Variants in KDM2B observed in about 807,000 individuals in gnomAD.
KDM2B encodes the protein lysine demethylase 2B, also known as lysine-specific demethylase 2B.
In KDM2B, 26 loss-of-function variants were observed where a neutral mutation model predicts 150.0. The ratio of observed to expected loss-of-function variants is 0.17; its 90% CI spans 0.13 to 0.24. The LOEUF is 0.24. KDM2B is among the 10% of genes least tolerant of loss of function. KDM2B has a pLI of 1.00. For missense variants in KDM2B, 1,265 were observed against 1,816.9 expected (o/e 0.70, Z 5.52); for synonymous variants, 734 against 729.5 (o/e 1.01, Z -0.10).
Position 121,533,615 on chromosome 12 carries a change from A to G in KDM2B, c.778-656T>C, listed in dbSNP as rs1156602636. Reference sequence around the variant, plus strand: ...TGCTGGCAACTAGACTTTAAAGTAAAAAGGTCCCAGGGCAGGAGCTGAGAT... The same window carrying G: ...TGCTGGCAACTAGACTTTAAAGTAAGAAGGTCCCAGGGCAGGAGCTGAGAT... On this transcript the variant is annotated intron_variant, in intron 7 of 22. Coordinates refer to ENST00000377071, the MANE Select transcript of KDM2B (RefSeq NM_032590.5). This position sits in a 1 kb window ranked among gnomAD's most constrained non-coding sequence, Gnocchi z 4.1. Among the ~76,000 whole-genome samples, 2 of 152,202 alleles carry G rather than the reference A, an allele frequency of 1.3e-5. No individual in the cohort carries two copies. The highest frequency in any genetic ancestry group is 4.8e-5 in the African/African-American group (2 of 41,454).
chr12:121,444,874 A>C (rs1423658706), intron 14 of KDM2B: 5 of 448,154 alleles, frequency 1.1e-5, no homozygotes, highest in Non-Finnish European at 2.1e-5. Flanking sequence ...AGCGCCTGGC[A>C]TGCAGAAAGG....
At chr12:121,445,978 T>C (rs1555290184) in intron 13 of KDM2B, among the ~76,000 whole-genome samples, 2 of 152,212 alleles carry the variant, frequency 1.3e-5, no homozygotes, top group Admixed American at 1.3e-4. Flanking sequence ...ACAGACGTTA[T>C]TTGCCTTTTG....
chr12:121,463,315 CA>C (rs201614427), intron 12 of KDM2B, among the ~76,000 whole-genome samples: 3,089 of 125,078 alleles, frequency 0.025, 85 homozygotes, highest in African/African-American at 0.074. Context: ...GACTCCGTCT[CA>C]AAAAAAAAAA....
In KDM2B at chr12:121,513,845, A is replaced by G. The variant is rs1327529915; in HGVS notation, c.1048-443T>C. Among the ~76,000 whole-genome samples, 1 of 152,106 alleles carries G rather than the reference A, an allele frequency of 6.6e-6. No homozygotes were observed. Among genetic ancestry groups the G allele is most frequent in the African/African-American group, 2.4e-5 (1 of 41,422 alleles). On this transcript the variant is annotated intron_variant, in intron 9 of 22. Transcript: ENST00000377071. This position sits in a 1 kb window ranked among gnomAD's most constrained non-coding sequence, Gnocchi z 5.0. Reference sequence around the variant, plus strand: ...TTCCTCCCTCCTGCTTGAAAACCAGAAATCAACTTCCAAGCCTTATCTATT... The same window carrying G: ...TTCCTCCCTCCTGCTTGAAAACCAGGAATCAACTTCCAAGCCTTATCTATT...
intron 12 of KDM2B, among the ~76,000 whole-genome samples, chr12:121,464,823 G>C (rs1879638245): frequency 6.6e-6 from 1 of 152,170 alleles, no homozygotes; most frequent in South Asian, 2.1e-4. Context: ...AGAAGAGCTG[G>C]GTCTGGAGCC....
chr12:121,564,838 TA>T (rs200397597), intron 4 of KDM2B, among the ~76,000 whole-genome samples: 47 of 152,170 alleles, frequency 3.1e-4, no homozygotes, highest in African/African-American at 1.1e-3. Context: ...TTCTTTTTCT[TA>T]TTTTTTTGAG....
intron 11 of KDM2B, among the ~76,000 whole-genome samples, chr12:121,500,629 AGGCGCAGC>A (rs1884449958): frequency 6.6e-6 from 1 of 152,184 alleles, no homozygotes; most frequent in South Asian, 2.1e-4. Context: ...CGGCAAAGGG[AGGCGCAGC>A]TTGGGGAACT....
chr12:121,434,597 A>G (rs1216223261), intron 22 of KDM2B, among the ~76,000 whole-genome samples: 3 of 152,196 alleles, frequency 2.0e-5, no homozygotes, highest in African/African-American at 7.2e-5. Flanking sequence ...AACAGCATTC[A>G]ATGAAGTAAT....
intron 4 of KDM2B, among the ~76,000 whole-genome samples, chr12:121,559,903 CAAA>C (rs200588261): frequency 9.0e-5 from 6 of 66,468 alleles, no homozygotes; most frequent in Admixed American, 1.6e-4. Flanking sequence ...AACTCCATCT[CAAA>C]AAAAAAAAAA....
Position 121,521,045 on chromosome 12 carries a change from G to C in KDM2B, c.987C>G (p.Ile329Met). 6.2e-7 allele frequency: 1 copy of C among 1,614,082 alleles called. No homozygotes were observed. The highest frequency in any genetic ancestry group is 8.5e-7 in the Non-Finnish European group (1 of 1,179,990). The change falls in exon 9 of 23, where the codon ATC becomes ATG. Residue 329 changes from isoleucine (I) to methionine (M), a missense_variant. Ile to Met is a conservative substitution (Grantham distance 10, BLOSUM62 1). Around this residue, in one of 11 missense-constraint regions of KDM2B, gnomAD observed 214 missense variants for 447.4 expected, o/e 0.48. Transcript: ENST00000377071. The surrounding 1 kb of genome is among the most constrained non-coding windows in gnomAD (Gnocchi z 4.9). The stretch of plus-strand genomic sequence containing the variant: ...GCATGGGCACGTTAAAGCTGTGCAG[G>C]ATGTTTCCGCCGAACACCAAAGAGT... ...PVDSLVFGGN[I>M]LHSFNVPMQL...
In KDM2B at chr12:121,430,539, G is replaced by C. The variant is rs1223115081; in HGVS notation, c.3830-70C>G. 9.1e-7 allele frequency: 1 copy of C among 1,101,464 alleles called. No individual in the cohort carries two copies. Among genetic ancestry groups the C allele is most frequent in the Non-Finnish European group, 1.4e-6 (1 of 717,326 alleles). The allele number at this position is 1,101,464 out of a possible 1,614,324, so 68.2% of individuals were successfully genotyped here. A position where few individuals can be genotyped will look rare whatever the true frequency, so the allele number is the denominator to read the frequency against. Reference sequence around the variant, plus strand: ...AGAAGCCCCCCCGCCGCCAGACCCAGGCACTCAGCAGTGGGGACAGGTCAG... The same window carrying C: ...AGAAGCCCCCCCGCCGCCAGACCCACGCACTCAGCAGTGGGGACAGGTCAG... On this transcript the variant is annotated intron_variant, in intron 22 of 22. Transcript: ENST00000377071. The surrounding 1 kb of genome is among the most constrained non-coding windows in gnomAD (Gnocchi z 4.4).
chr12:121,432,564 ATTCACACTTGTCATCTTAAAGGTGTCATT>A (rs1416267672), intron 22 of KDM2B, among the ~76,000 whole-genome samples: 1 of 152,196 alleles, frequency 6.6e-6, no homozygotes, highest in Non-Finnish European at 1.5e-5. Context: ...GATGTCCCAC[ATTCACACTTGTCATCTTAAAGGTGTCATT>A]TAGCTTGTTC....
chr12:121,569,380 A>G (rs925879147), intron 4 of KDM2B, among the ~76,000 whole-genome samples: 2 of 152,066 alleles, frequency 1.3e-5, no homozygotes, highest in Admixed American at 1.3e-4. Flanking sequence ...CCCCTTCTTC[A>G]CCCACCCTCC....
At chr12:121,484,257 T>C (rs1265963626) in intron 12 of KDM2B, among the ~76,000 whole-genome samples, 3 of 151,902 alleles carry the variant, frequency 2.0e-5, no homozygotes, top group Non-Finnish European at 4.4e-5. Flanking sequence ...CTGGAACGCG[T>C]CAGCTCAGGA....
intron 12 of KDM2B, among the ~76,000 whole-genome samples, chr12:121,475,784 C>A (rs115380054): frequency 0.012 from 1,894 of 151,672 alleles, 42 homozygotes; most frequent in African/African-American, 0.044. Context: ...GACTAACCCC[C>A]CTGCCCCACA....
intron 8 of KDM2B, among the ~76,000 whole-genome samples, chr12:121,529,642 T>C (rs1443667576): frequency 6.6e-6 from 1 of 151,668 alleles, no homozygotes; most frequent in Non-Finnish European, 1.5e-5. Flanking sequence ...AAAATACTCA[T>C]CTAGGGGCTG....
chr12:121,498,618 G>C lies in KDM2B; in HGVS notation c.1648-3953C>G, dbSNP rs574190479. ...AAGATGGCTCTGCATATGACTGAAA[G>C]TAATGCCCACCCCCCTTTGTTTTCT... On this transcript the variant is annotated intron_variant, in intron 11 of 22. Coordinates refer to ENST00000377071, the MANE Select transcript of KDM2B (RefSeq NM_032590.5). Among the ~76,000 whole-genome samples the C allele has an allele frequency of 4.3e-4, 66 of 152,108 alleles. 1 individual carries two copies. Among genetic ancestry groups the C allele is most frequent in the South Asian group, 4.1e-4 (2 of 4,830 alleles).
chr12:121,446,123 C>T (rs61955136), intron 13 of KDM2B, among the ~76,000 whole-genome samples: 113 of 152,220 alleles, frequency 7.4e-4, no homozygotes, highest in Middle Eastern at 3.4e-3. Context: ...AGGCCGGGCG[C>T]GGTGGCTCAC....
At chr12:121,461,402 A>T (rs1879102593) in intron 12 of KDM2B, among the ~76,000 whole-genome samples, 1 of 152,134 alleles carries the variant, frequency 6.6e-6, no homozygotes, top group Non-Finnish European at 1.5e-5. Context: ...TTCTGGCAAC[A>T]GTGAGGGGAG....
Sources: gnomAD v4.1 joint callset for allele counts (sites outside exome capture counted in the v4.1 genomes callset) on GRCh38, gnomAD v4.1.1 for gene constraint, gnomAD v4.1.1 regional missense constraint, Gnocchi (gnomAD v3.1) non-coding constraint, MANE v1.5 for transcripts, NCBI Gene and HGNC (gene_info 2026-07-23, HGNC 2026-07-21) for gene names.